Variants in MYOM2 observed in about 807,000 individuals in gnomAD.
MYOM2 encodes myomesin-2.
MYOM2 carries 254 observed loss-of-function variants against 187.6 expected under a neutral mutation model. The observed-to-expected ratio is 1.35, with a 90% CI of 1.22 to 1.50. The LOEUF is 1.50. MYOM2 is among the 40% of genes most tolerant of loss of function. The probability of loss-of-function intolerance (pLI) is 0.00; values close to 1 mark genes in which losing one functional copy is unlikely to be tolerated. For missense variants in MYOM2, 2,796 were observed against 1,924.0 expected, an observed-to-expected ratio of 1.45 and a Z score of -8.48; for synonymous variants, 981 against 753.8, an observed-to-expected ratio of 1.30 and a Z score of -4.94.
chr8:2,115,980 C>T lies in MYOM2; in HGVS notation c.3201C>T (p.Asp1067=), dbSNP rs538882884. The change falls in exon 26 of 37, where the codon GAC becomes GAT. Residue 1067 remains aspartate, a synonymous_variant. Transcript: ENST00000262113. Reference sequence around the variant, plus strand: ...TGCAGATACACAGAATTAAATGTGACAAAGCTACTGGCATTATTGAGATGG... The same window carrying T: ...TGCAGATACACAGAATTAAATGTGATAAAGCTACTGGCATTATTGAGATGG... ...SDSEIHRIKC[D]KATGIIEMVM... The T allele has an allele frequency of 6.2e-7, 1 of 1,613,628 alleles. No homozygotes were observed. Among genetic ancestry groups the T allele is most frequent in the Non-Finnish European group, 8.5e-7 (1 of 1,179,924 alleles).
chr8:2,081,138 C>A (rs1819611029), intron 13 of MYOM2, among the ~76,000 whole-genome samples: 1 of 109,090 alleles, frequency 9.2e-6, no homozygotes, highest in African/African-American at 3.7e-5. Flanking sequence ...GCGGGAGGAA[C>A]AGGCAGCCCA....
In MYOM2 at chr8:2,093,973, C is replaced by A; in HGVS notation, c.2007C>A (p.Phe669Leu). 7 of 1,613,882 alleles carry A rather than the reference C, an allele frequency of 4.3e-6. No homozygotes were observed. Among genetic ancestry groups the A allele is most frequent in the Non-Finnish European group, 5.9e-6 (7 of 1,179,952 alleles). ...CNHKPIGYNR[F>L]VVHGLTTGEQ... is the part of the protein sequence containing the mutation. ...CCCTGATCCCTGTGTTTCTCAGGTT[C>A]GTGGTGCACGGCTTAACCACGGGAG... The change falls in exon 17 of 37, where the codon TTC (phenylalanine) becomes TTA (leucine). Residue 669 changes from phenylalanine (F) to leucine (L), a missense_variant. By Grantham distance (22) the Phe-to-Leu change is conservative. Transcript: ENST00000262113.
At chr8:2,091,067 C>T (rs1193333509) in intron 15 of MYOM2, among the ~76,000 whole-genome samples, 3 of 119,052 alleles carry the variant, frequency 2.5e-5, no homozygotes, top group Non-Finnish European at 4.9e-5. Context: ...CACTACTTTC[C>T]ACAATAGTTG....
chr8:2,076,091 A>T, intron 10 of MYOM2, 50 bp from the exon 11 acceptor site: 1 of 1,567,502 alleles, frequency 6.4e-7, no homozygotes, highest in Non-Finnish European at 8.7e-7. Context: ...CTTTGCAGTG[A>T]CCCCAGCCTT....
At chr8:2,120,658 GTA>G (rs1188510311) in intron 28 of MYOM2, among the ~76,000 whole-genome samples, 1 of 2,824 alleles carries the variant, frequency 3.5e-4, no homozygotes, top group African/African-American at 6.6e-4. Flanking sequence ...TTGATTTCCT[GTA>G]TATATATATA....
Position 2,116,123 on chromosome 8 carries a change from T to G in MYOM2, c.3325+19T>G, listed in dbSNP as rs1176354300. The G allele has an allele frequency of 6.5e-7, 1 of 1,546,918 alleles. No homozygotes were observed. Among genetic ancestry groups the G allele is most frequent in the African/African-American group, 2.0e-5 (1 of 50,558 alleles). On this transcript the variant is annotated intron_variant, in intron 26 of 36. Transcript: ENST00000262113. ...GGAGATGGTATGCTATATCGAATAT[T>G]TCCACGTCCATACAAGATAATTCAA...
chr8:2,066,980 C>A (rs1205609063), intron 6 of MYOM2, among the ~76,000 whole-genome samples: 2 of 152,168 alleles, frequency 1.3e-5, no homozygotes, highest in African/African-American at 4.8e-5. Flanking sequence ...GTTTGAAAAT[C>A]TACCCAGACT....
chr8:2,145,155 A>C lies in MYOM2; in HGVS notation c.*174A>C. 1 of 687,860 alleles carries C rather than the reference A, an allele frequency of 1.5e-6. No individual in the cohort carries two copies. The highest frequency in any genetic ancestry group is 2.4e-6 in the Non-Finnish European group (1 of 415,758). 42.6% of individuals were successfully genotyped at this position (687,860 alleles called of 1,614,324 possible). A position where few individuals can be genotyped will look rare whatever the true frequency, so the allele number is the denominator to read the frequency against. On this transcript the variant is annotated 3_prime_UTR_variant, in exon 37 of 37. Transcript: ENST00000262113. ...GTGATGAATATTTTATACCCGTCTA[A>C]GGGAGAAAGCTAATGTTTTCCACAA...
intron 6 of MYOM2, among the ~76,000 whole-genome samples, chr8:2,062,391 C>T (rs759947058): frequency 8.6e-5 from 13 of 152,006 alleles, no homozygotes; most frequent in Admixed American, 2.0e-4. Flanking sequence ...GGCCTGGGAG[C>T]GGGAGGGAGC....
At chr8:2,059,109 A>C (rs6558591) in intron 5 of MYOM2, 44 bp from the exon 6 acceptor site, 1,332,985 of 1,561,520 alleles carry the variant, frequency 0.85, 570,282 homozygotes, top group East Asian at 0.96. Flanking sequence ...CACACACAAA[A>C]TACAACTCTG....
chr8:2,096,314 G>C lies in MYOM2; in HGVS notation c.2193G>C (p.Trp731Cys). 1 of 1,614,204 alleles carries C rather than the reference G, an allele frequency of 6.2e-7. No individual in the cohort carries two copies. Among genetic ancestry groups the C allele is most frequent in the Non-Finnish European group, 8.5e-7 (1 of 1,180,042 alleles). Residue 731 changes from tryptophan to cysteine, a missense_variant, in exon 18 of 37, where the codon TGG becomes TGC. Trp to Cys is a radical substitution (Grantham distance 215). Transcript: ENST00000262113. ...NCDGHSMTLG[W>C]KVPKFSGGSP... The stretch of plus-strand genomic sequence containing the variant: ...ACGGCCACTCCATGACCCTCGGCTG[G>C]AAGGTCCCGAAATTCAGTGGTGGCT...
chr8:2,073,828 T>C (rs925582198), intron 10 of MYOM2, among the ~76,000 whole-genome samples: 3 of 152,224 alleles, frequency 2.0e-5, no homozygotes, highest in African/African-American at 7.2e-5. Context: ...TCAGGGAACG[T>C]AGCCCGAGGA....
At position 2,106,298 on chromosome 8, in the gene MYOM2, G is replaced by A. The variant is rs575044124; in HGVS notation, c.2791G>A (p.Asp931Asn). The A allele has an allele frequency of 1.2e-5, 19 of 1,614,168 alleles. No individual in the cohort carries two copies. The highest frequency in any genetic ancestry group is 6.7e-5 in the African/African-American group (5 of 75,034). The change falls in exon 22 of 37, where the codon GAC (aspartate) becomes AAC (asparagine). Residue 931 changes from aspartate (D) to asparagine (N), a missense_variant. Physicochemically the swap from Asp to Asn is conservative, Grantham distance 23. Coordinates refer to ENST00000262113, the MANE Select transcript of MYOM2 (RefSeq NM_003970.4). ...ACAAGGCAACATCTATCTGGGCTTC[G>A]ACTGCCAGGAAATGACAGACGCGTC... ...DEQGNIYLGF[D>N]CQEMTDASQF...
Position 2,117,855 on chromosome 8 carries a change from A to G in MYOM2, c.3386-30A>G, listed in dbSNP as rs149089054. On this transcript the variant is annotated intron_variant, in intron 27 of 36. Transcript: ENST00000262113. ...TTATTTGTTTACTTTTTCCTTTTTT[A>G]TATGTTTTCTTCCCTTTTTTCCTCC... The G allele has an allele frequency of 5.1e-4, 802 of 1,564,644 alleles. 2 individuals carry two copies. Among genetic ancestry groups the G allele is most frequent in the South Asian group, 1.6e-3 (135 of 86,194 alleles).
chr8:2,070,831 C>T (rs114303276), intron 8 of MYOM2, among the ~76,000 whole-genome samples: 223 of 152,314 alleles, frequency 1.5e-3, no homozygotes, highest in African/African-American at 5.2e-3. Context: ...CATTGTACAG[C>T]GTACAGCTCA....
chr8:2,064,558 C>T (rs1219506799), intron 6 of MYOM2, among the ~76,000 whole-genome samples: 2 of 152,154 alleles, frequency 1.3e-5, no homozygotes, highest in African/African-American at 2.4e-5. Flanking sequence ...GGAGGCCAAG[C>T]GGATGGAGGG....
intron 1 of MYOM2, among the ~76,000 whole-genome samples, chr8:2,047,670 G>A (rs1818352430): frequency 6.6e-6 from 1 of 152,202 alleles, no homozygotes; most frequent in Non-Finnish European, 1.5e-5. Context: ...AGCATGAAGT[G>A]AGCAGGGAAT....
chr8:2,095,413 T>G (rs1796445748), intron 17 of MYOM2, among the ~76,000 whole-genome samples: 1 of 151,782 alleles, frequency 6.6e-6, no homozygotes, highest in African/African-American at 2.4e-5. Flanking sequence ...TGCCTCAGCC[T>G]CCTGATTAGC....
At chr8:2,099,250 G>C (rs1332972055) in intron 19 of MYOM2, among the ~76,000 whole-genome samples, 2 of 152,232 alleles carry the variant, frequency 1.3e-5, no homozygotes, top group Admixed American at 6.5e-5. Flanking sequence ...AGCACAGGAG[G>C]ACCCAGACTG....
Sources: allele counts gnomAD v4.1 joint callset (sites outside exome capture counted in the v4.1 genomes callset), GRCh38; gene constraint gnomAD v4.1.1; transcripts MANE v1.5; gene names NCBI Gene and HGNC (gene_info 2026-07-23, HGNC 2026-07-21).